MRC1: variants seen among roughly 807,000 people sequenced by gnomAD.
MRC1 encodes the protein macrophage mannose receptor 1.
Under a neutral mutation model 102.9 loss-of-function variants are expected in MRC1, and 62 were observed. The ratio of observed to expected loss-of-function variants is 0.60; its 90% CI spans 0.49 to 0.74. MRC1 has a LOEUF of 0.74. Among genes scored for constraint, MRC1 ranks in the 30% least tolerant of loss-of-function variants. MRC1 has a pLI of 0.00. For missense variants in MRC1, 1,237 were observed against 862.8 expected, an observed-to-expected ratio of 1.43 and a Z score of -5.43; for synonymous variants, 457 against 298.4, an observed-to-expected ratio of 1.53 and a Z score of -5.48.
At chr10:17,837,819 T>C (rs1383723272) in intron 4 of MRC1, among the ~76,000 whole-genome samples, 3 of 151,992 alleles carry the variant, frequency 2.0e-5, no homozygotes, top group Non-Finnish European at 4.4e-5. Context: ...CAGGATGGTT[T>C]TGAACTCCTG....
chr10:17,886,317 CTCCT>C lies in MRC1; in HGVS notation c.3147+901_3147+904del, dbSNP rs1325807829. Among the ~76,000 whole-genome samples the C allele has an allele frequency of 4.2e-3, 517 of 122,080 alleles. 1 individual carries two copies. Among genetic ancestry groups the C allele is most frequent in the Non-Finnish European group, 5.2e-3 (313 of 60,378 alleles). The allele number at this position is 122,080 out of a possible 152,430, so 80.1% of individuals were successfully genotyped here. On this transcript the variant is annotated intron_variant, in intron 22 of 29. Coordinates refer to ENST00000569591, the MANE Select transcript of MRC1 (RefSeq NM_002438.4). Reference sequence around the variant, plus strand: ...CTTCCTTCCTTCCTTCCTTCCTTCCCTCCTTCCTTCCTTCCTTCCTTCTTCTTTC... The same window carrying C: ...CTTCCTTCCTTCCTTCCTTCCTTCCCTCCTTCCTTCCTTCCTTCTTCTTTC...
intron 2 of MRC1, among the ~76,000 whole-genome samples, chr10:17,825,072 A>C (rs1838453059): frequency 6.6e-6 from 1 of 151,206 alleles, no homozygotes; most frequent in East Asian, 2.1e-4. Flanking sequence ...TACATTTTGC[A>C]TACTCCCCAA....
At chr10:17,854,152 A>G (rs1833043042) in intron 8 of MRC1, among the ~76,000 whole-genome samples, 2 of 152,090 alleles carry the variant, frequency 1.3e-5, no homozygotes, top group Non-Finnish European at 2.9e-5. Flanking sequence ...GAGTTTTGCC[A>G]TGTTGCCCAA....
chr10:17,847,776 A>G (rs1240883655), intron 6 of MRC1, among the ~76,000 whole-genome samples: 2 of 150,806 alleles, frequency 1.3e-5, no homozygotes, highest in Non-Finnish European at 2.9e-5. Flanking sequence ...GGTTGTTTTC[A>G]TGCTTTCAAA....
intron 4 of MRC1, among the ~76,000 whole-genome samples, chr10:17,834,827 A>G (rs961323140): frequency 6.6e-6 from 1 of 152,210 alleles, no homozygotes; most frequent in Non-Finnish European, 1.5e-5. Flanking sequence ...ACTTGGGGAA[A>G]CAGAGAGATT....
intron 3 of MRC1, 39 bp from the exon 4 acceptor site, chr10:17,833,636 A>G (rs1838615862): frequency 5.1e-6 from 4 of 780,988 alleles, no homozygotes; most frequent in South Asian, 1.3e-5. Flanking sequence ...AGTGTTTTCT[A>G]TGCATAATGA....
intron 4 of MRC1, among the ~76,000 whole-genome samples, chr10:17,835,552 G>A (rs1256823244): frequency 6.6e-6 from 1 of 151,918 alleles, no homozygotes; most frequent in African/African-American, 2.4e-5. Context: ...CGTCAGAGGG[G>A]GAAATAGCTG....
intron 12 of MRC1, 51 bp from the exon 13 acceptor site, chr10:17,870,195 T>A: frequency 1.3e-6 from 1 of 751,944 alleles, no homozygotes; most frequent in Non-Finnish European, 2.5e-6. Context: ...TTTCTCTTAA[T>A]TTGATAAACT....
At chr10:17,908,394 C>T (rs942799248) in intron 28 of MRC1, among the ~76,000 whole-genome samples, 1 of 152,004 alleles carries the variant, frequency 6.6e-6, no homozygotes, top group African/African-American at 2.4e-5. Flanking sequence ...CCTGCCTCAG[C>T]CTCCCGAGTA....
intron 1 of MRC1, among the ~76,000 whole-genome samples, chr10:17,815,365 A>G (rs1838295113): frequency 6.6e-6 from 1 of 152,220 alleles, no homozygotes; most frequent in Non-Finnish European, 1.5e-5. Context: ...GCATGGAAGA[A>G]GAAAGAGCAG....
At chr10:17,820,601 A>C (rs1353082047) in intron 1 of MRC1, among the ~76,000 whole-genome samples, 1 of 152,216 alleles carries the variant, frequency 6.6e-6, no homozygotes, top group African/African-American at 2.4e-5. Context: ...TGGCCAAAGT[A>C]TAAGGTGGAA....
chr10:17,882,940 G>T (rs1374116566), intron 21 of MRC1, among the ~76,000 whole-genome samples: 3 of 152,136 alleles, frequency 2.0e-5, no homozygotes, highest in Non-Finnish European at 4.4e-5. Flanking sequence ...GAAACAATTT[G>T]CAGATAAAAT....
At chr10:17,842,586 T>G (rs928056849) in intron 5 of MRC1, among the ~76,000 whole-genome samples, 1 of 152,216 alleles carries the variant, frequency 6.6e-6, no homozygotes, top group Non-Finnish European at 1.5e-5. Flanking sequence ...AATTTAGGTG[T>G]CTGTCTACCT....
Position 17,873,779 on chromosome 10 carries a change from T to A in MRC1, c.2345-5T>A. ...CTTTATTTCTATTTTTCTCTTGTTT[T>A]ACAGGACAAACACCAAAACCTGAGC... On this transcript the variant is annotated splice_region_variant and splice_polypyrimidine_tract_variant and intron_variant, in intron 15 of 29. Coordinates refer to ENST00000569591, the MANE Select transcript of MRC1 (RefSeq NM_002438.4). 2 of 872,608 alleles carry A rather than the reference T, an allele frequency of 2.3e-6. No homozygotes were observed. The highest frequency in any genetic ancestry group is 4.0e-6 in the Non-Finnish European group (2 of 501,374). The allele number at this position is 872,608 out of a possible 1,614,324, so 54.1% of individuals were successfully genotyped here. A position where few individuals can be genotyped will look rare whatever the true frequency, so the allele number is the denominator to read the frequency against.
intron 26 of MRC1, among the ~76,000 whole-genome samples, chr10:17,903,573 T>A (rs1235531176): frequency 1.3e-5 from 2 of 151,812 alleles, no homozygotes; most frequent in Non-Finnish European, 2.9e-5. Context: ...TTTTTGTATT[T>A]TTAGTAGAGA....
At chr10:17,872,256 T>G in intron 15 of MRC1, 130 bp downstream of exon 15, 2 of 767,168 alleles carry the variant, frequency 2.6e-6, no homozygotes, top group Non-Finnish European at 2.4e-6. Context: ...TGGCCATCAT[T>G]GCATAGGATA....
intron 5 of MRC1, among the ~76,000 whole-genome samples, chr10:17,844,690 T>C (rs1448233623): frequency 2.0e-5 from 3 of 151,824 alleles, no homozygotes; most frequent in African/African-American, 4.8e-5. Flanking sequence ...GCAGTGAGCA[T>C]AGAACCCAGT....
intron 26 of MRC1, among the ~76,000 whole-genome samples, chr10:17,902,553 G>T (rs1833842776): frequency 6.6e-6 from 1 of 152,084 alleles, no homozygotes; most frequent in Non-Finnish European, 1.5e-5. Context: ...CCACAAAGAT[G>T]AATGATTTTT....
At position 17,856,334 on chromosome 10, in the gene MRC1, C is replaced by T. The variant is rs1283476394; in HGVS notation, c.1500C>T (p.Val500=). 39 of 855,880 alleles carry T rather than the reference C, an allele frequency of 4.6e-5. No homozygotes were observed. Among genetic ancestry groups the T allele is most frequent in the Admixed American group, 2.1e-4 (12 of 56,656 alleles). The allele number at this position is 855,880 out of a possible 1,614,324, so 53.0% of individuals were successfully genotyped here. Residue 500 remains valine, a synonymous_variant, in exon 9 of 30, where the codon GTC becomes GTT. Coordinates refer to ENST00000569591, the MANE Select transcript of MRC1 (RefSeq NM_002438.4). ...SRSQGPEIVE[V]EKGCRKGWKK... is the part of the protein sequence containing the mutation. Reference sequence around the variant, plus strand: ...GCCAAGGTCCAGAAATAGTGGAAGTCGAAAAAGGCTGCAGGAAAGTGAGTG... The same window carrying T: ...GCCAAGGTCCAGAAATAGTGGAAGTTGAAAAAGGCTGCAGGAAAGTGAGTG...
Sources: gnomAD v4.1 joint callset for allele counts (sites outside exome capture counted in the v4.1 genomes callset) on GRCh38, gnomAD v4.1.1 for gene constraint, MANE v1.5 for transcripts, NCBI Gene and HGNC (gene_info 2026-07-23, HGNC 2026-07-21) for gene names.